RGS6: variants seen among roughly 807,000 people sequenced by gnomAD.
RGS6 encodes the protein regulator of G protein signaling 6.
RGS6 carries 30 observed loss-of-function variants against 78.5 expected under a neutral mutation model. The observed-to-expected ratio is 0.38, with a 90% CI of 0.29 to 0.52. The LOEUF is 0.52. Ranked by LOEUF, RGS6 falls within the 20% of genes least tolerant of loss-of-function variation. The probability of loss-of-function intolerance (pLI) is 0.85; values close to 1 mark genes in which losing one functional copy is unlikely to be tolerated. For synonymous variants in RGS6, 206 were observed against 206.0 expected, an observed-to-expected ratio of 1.00 and a Z score of 0.00; for missense variants, 495 against 609.7, an observed-to-expected ratio of 0.81 and a Z score of 1.98.
At chr14:71,888,718 C>T in the RGS6 span, among the ~76,000 whole-genome samples, 1 of 152,030 alleles carries the variant, frequency 6.6e-6, no homozygotes, top group Admixed American at 6.5e-5. Flanking sequence ...GTCCTCATTA[C>T]AGGCACATAC....
intron 2 of RGS6, among the ~76,000 whole-genome samples, chr14:72,188,479 TATC>T (rs34314181): frequency 0.81 from 122,556 of 150,760 alleles, 50,024 homozygotes; most frequent in Non-Finnish European, 0.84. Flanking sequence ...CTATAGCAGT[TATC>T]ATCATCATCA....
chr14:72,382,703 TAGAATGGAAAG>T (rs1265898411), intron 3 of RGS6, among the ~76,000 whole-genome samples: 4 of 152,214 alleles, frequency 2.6e-5, no homozygotes, highest in African/African-American at 9.6e-5. Context: ...CGTTTGGCTC[TAGAATGGAAAG>T]AGAAAGCACA....
chr14:72,416,780 T>C (rs2093844067), intron 3 of RGS6, among the ~76,000 whole-genome samples: 1 of 152,224 alleles, frequency 6.6e-6, no homozygotes, highest in African/African-American at 2.4e-5. Context: ...AGTATGAGCA[T>C]TGACAACAGA....
At chr14:72,006,256 T>A (rs1042521698) in intron 2 of RGS6, among the ~76,000 whole-genome samples, 1 of 152,144 alleles carries the variant, frequency 6.6e-6, no homozygotes, top group African/African-American at 2.4e-5. Flanking sequence ...TTAAATCTTA[T>A]TTTAAGTAGT....
intron 2 of RGS6, among the ~76,000 whole-genome samples, chr14:72,318,360 T>A (rs1053037097): frequency 6.6e-6 from 1 of 152,128 alleles, no homozygotes; most frequent in African/African-American, 2.4e-5. Flanking sequence ...AGATTAAGGA[T>A]GGGTCTGCCT....
chr14:72,615,217 C>T, the RGS6 span, among the ~76,000 whole-genome samples: 10 of 152,188 alleles, frequency 6.6e-5, 1 homozygote, highest in African/African-American at 9.6e-5. Flanking sequence ...CCTCAGGGCC[C>T]GCCCTGGGCC....
At chr14:72,028,470 A>T (rs1358060457) in intron 2 of RGS6, among the ~76,000 whole-genome samples, 3 of 152,234 alleles carry the variant, frequency 2.0e-5, no homozygotes, top group Non-Finnish European at 4.4e-5. Context: ...TAAACATACT[A>T]AACACTGTGC....
chr14:72,285,445 C>T (rs891759340), intron 2 of RGS6, among the ~76,000 whole-genome samples: 26 of 152,252 alleles, frequency 1.7e-4, no homozygotes, highest in Admixed American at 1.4e-3. Context: ...CTCATTCTCT[C>T]GTCTGCCACC....
At chr14:71,969,288 T>G (rs773770466) in intron 2 of RGS6, among the ~76,000 whole-genome samples, 2 of 152,218 alleles carry the variant, frequency 1.3e-5, no homozygotes, top group Non-Finnish European at 2.9e-5. Context: ...TTTTGCTTCT[T>G]CGGTAAAGAT....
chr14:71,993,069 A>G (rs913315332), intron 2 of RGS6, among the ~76,000 whole-genome samples: 8 of 152,204 alleles, frequency 5.3e-5, no homozygotes, highest in Non-Finnish European at 8.8e-5. Context: ...TGTTGTCTTT[A>G]CAATTGAAGA....
chr14:72,390,450 T>C (rs1240497046), intron 3 of RGS6, among the ~76,000 whole-genome samples: 2 of 151,922 alleles, frequency 1.3e-5, no homozygotes, highest in Non-Finnish European at 2.9e-5. Flanking sequence ...GCTAGTGTAG[T>C]GTCTGAAAAA....
rs150960413 is a variant in RGS6 at position 72,454,551 on chromosome 14, A to T, written c.208A>T (p.Met70Leu). Residue 70 changes from methionine to leucine, a missense_variant, in exon 4 of 18, where the codon ATG (methionine) becomes TTG (leucine). Physicochemically the swap from Met to Leu is conservative, Grantham distance 15. Transcript: ENST00000553525. ...AGGTACTGACATTGTGCAGTGGCTTATGAAGAACCTTTCCATTGAGGACCC... is the reference window on the plus strand; with the variant it reads ...AGGTACTGACATTGTGCAGTGGCTTTTGAAGAACCTTTCCATTGAGGACCC... ...VTGTDIVQWL[M>L]KNLSIEDPVE... The T allele has an allele frequency of 3.3e-5, 53 of 1,614,010 alleles. No individual in the cohort carries two copies. The highest frequency in any genetic ancestry group is 6.8e-6 in the Non-Finnish European group (8 of 1,180,022).
chr14:72,361,153 T>C (rs1258503378), intron 3 of RGS6, among the ~76,000 whole-genome samples: 1 of 151,268 alleles, frequency 6.6e-6, no homozygotes, highest in Non-Finnish European at 1.5e-5. Context: ...GAGAATGTAC[T>C]AATACAGTGA....
At chr14:72,268,144 G>C (rs1386686703) in intron 2 of RGS6, among the ~76,000 whole-genome samples, 1 of 152,124 alleles carries the variant, frequency 6.6e-6, no homozygotes, top group African/African-American at 2.4e-5. Flanking sequence ...GATTATTCTT[G>C]CATCCAGCAC....
At chr14:72,017,678 C>A (rs796938955) in intron 2 of RGS6, among the ~76,000 whole-genome samples, 7 of 152,244 alleles carry the variant, frequency 4.6e-5, no homozygotes, top group African/African-American at 1.4e-4. Flanking sequence ...TTGTCTCATC[C>A]CTGGCTTTAA....
Position 72,503,768 on chromosome 14 carries a change from C to T in RGS6, c.966-6386C>T, listed in dbSNP as rs140190333. Among the ~76,000 whole-genome samples the T allele has an allele frequency of 8.9e-3, 1,350 of 152,326 alleles. 21 individuals carry two copies. The highest frequency in any genetic ancestry group is 0.031 in the African/African-American group (1,278 of 41,556). ...GCTCTCCTGGGCTGGAGTCATACAC[C>T]CATGGCTTTCCTGGGCTGATGCTCT... On this transcript the variant is annotated intron_variant, in intron 13 of 17. Transcript: ENST00000553525.
At position 71,959,901 on chromosome 14, in the gene RGS6, T is replaced by C. The variant is rs116299950; in HGVS notation, c.-20-4871T>C. On this transcript the variant is annotated intron_variant, in intron 1 of 17. Transcript: ENST00000553525. ...TCTTCCAGGCAAGGAGCTGGAAACG[T>C]AGGGTGGGAGAGCCCATTGTCAAAG... 4.6e-3 allele frequency among the ~76,000 whole-genome samples: 705 copies of C among 152,206 alleles called. 6 individuals are homozygous for C. The highest frequency in any genetic ancestry group is 0.016 in the African/African-American group (672 of 41,528).
At chr14:72,357,767 A>C (rs2176841) in intron 3 of RGS6, among the ~76,000 whole-genome samples, 79,782 of 151,908 alleles carry the variant, frequency 0.53, 23,293 homozygotes, top group African/African-American at 0.8. Context: ...AAAGAAAAAC[A>C]CATTTTCTGG....
chr14:72,534,643 C>T (rs1306689388), intron 15 of RGS6, among the ~76,000 whole-genome samples: 2 of 152,200 alleles, frequency 1.3e-5, no homozygotes, highest in East Asian at 3.8e-4. Flanking sequence ...GGCTACTGTG[C>T]TCTCCCTTTC....
Sources: allele counts gnomAD v4.1 joint callset (sites outside exome capture counted in the v4.1 genomes callset), GRCh38; gene constraint gnomAD v4.1.1; transcripts MANE v1.5; gene names NCBI Gene and HGNC (gene_info 2026-07-23, HGNC 2026-07-21).